EXOC4: variants seen among roughly 807,000 people sequenced by gnomAD.
EXOC4 encodes SEC8-like 1.
EXOC4 carries 71 observed loss-of-function variants against 107.2 expected under a neutral mutation model. The observed-to-expected ratio is 0.66, with a 90% confidence interval of 0.55 to 0.81. The LOEUF (loss-of-function observed/expected upper bound fraction) is 0.81. Among genes scored for constraint, EXOC4 ranks in the 30% least tolerant of loss-of-function variants. The pLI is 0.00. For synonymous variants in EXOC4, 456 were observed against 441.2 expected (o/e 1.03, Z -0.42); for missense variants, 1,108 against 1,189.6 (o/e 0.93, Z 1.01).
In EXOC4 at chr7:133,388,466, G is replaced by C. The variant is rs182974150; in HGVS notation, c.1182+13464G>C. Among the ~76,000 whole-genome samples, 433 of 152,056 alleles carry C rather than the reference G, an allele frequency of 2.8e-3. 7 individuals are homozygous for C. The highest frequency in any genetic ancestry group is 2.8e-4 in the Non-Finnish European group (19 of 67,964). ...GGAGTTCGAGACCATCCTGGCCAAT[G>C]TGGTGAAACCCTGTTTCTACTAAAA... On this transcript the variant is annotated intron_variant, in intron 7 of 17. Coordinates refer to ENST00000253861, the MANE Select transcript of EXOC4 (RefSeq NM_021807.4).
intron 7 of EXOC4, among the ~76,000 whole-genome samples, chr7:133,398,682 T>G (rs1797024527): frequency 6.6e-6 from 1 of 152,142 alleles, no homozygotes; most frequent in African/African-American, 2.4e-5. Flanking sequence ...ACATTTGAGT[T>G]TGTATTGTTC....
intron 11 of EXOC4, among the ~76,000 whole-genome samples, chr7:133,867,674 T>C (rs184348439): frequency 1.3e-5 from 2 of 152,308 alleles, no homozygotes; most frequent in African/African-American, 4.8e-5. Flanking sequence ...TCCTGCCACA[T>C]TGACTTAAAT....
At chr7:133,565,163 AG>A (rs1310838956) in intron 9 of EXOC4, among the ~76,000 whole-genome samples, 1 of 152,204 alleles carries the variant, frequency 6.6e-6, no homozygotes, top group Non-Finnish European at 1.5e-5. Context: ...TTAGGAGCCA[AG>A]GGAGGAGCTA....
At chr7:133,937,123 A>G (rs539636758) in intron 13 of EXOC4, among the ~76,000 whole-genome samples, 1 of 152,254 alleles carries the variant, frequency 6.6e-6, no homozygotes, top group African/African-American at 2.4e-5. Context: ...GCTGAGCTAT[A>G]TGATCTCAGG....
chr7:133,529,292 G>T (rs1800136287), intron 9 of EXOC4, among the ~76,000 whole-genome samples: 1 of 152,034 alleles, frequency 6.6e-6, no homozygotes, highest in African/African-American at 2.4e-5. Context: ...CATATCACTT[G>T]GTTATGTAAT....
At chr7:133,293,835 G>A (rs1022223176) in intron 3 of EXOC4, among the ~76,000 whole-genome samples, 7 of 152,164 alleles carry the variant, frequency 4.6e-5, no homozygotes, top group African/African-American at 1.2e-4. Flanking sequence ...GCCTGTATCC[G>A]TCACATTGAA....
intron 10 of EXOC4, among the ~76,000 whole-genome samples, chr7:133,719,931 A>G (rs1465105842): frequency 1.3e-5 from 2 of 152,124 alleles, no homozygotes; most frequent in Admixed American, 1.3e-4. Context: ...GGATGGATGG[A>G]TGAATTGAAG....
intron 10 of EXOC4, among the ~76,000 whole-genome samples, chr7:133,703,822 A>G (rs1391365670): frequency 6.6e-6 from 1 of 152,212 alleles, no homozygotes; most frequent in African/African-American, 2.4e-5. Flanking sequence ...TAACAGCATT[A>G]TAGACTTGTT....
At chr7:133,818,918 G>C (rs1797440471) in intron 11 of EXOC4, among the ~76,000 whole-genome samples, 1 of 151,948 alleles carries the variant, frequency 6.6e-6, no homozygotes, top group Admixed American at 6.6e-5. Flanking sequence ...AGGCCCCCTT[G>C]CCAGGTAGCT....
intron 9 of EXOC4, among the ~76,000 whole-genome samples, chr7:133,603,564 A>G (rs1188104000): frequency 1.3e-5 from 2 of 152,218 alleles, no homozygotes; most frequent in African/African-American, 2.4e-5. Flanking sequence ...CCTGTACAAC[A>G]TGTTACTGTA....
intron 5 of EXOC4, among the ~76,000 whole-genome samples, chr7:133,351,176 T>C (rs542129199): frequency 1.3e-5 from 2 of 152,134 alleles, no homozygotes; most frequent in East Asian, 3.9e-4. Context: ...AGTTTTATTA[T>C]ACTGCTTTTA....
intron 17 of EXOC4, among the ~76,000 whole-genome samples, chr7:134,028,261 T>A (rs922671273): frequency 6.6e-6 from 1 of 152,254 alleles, no homozygotes; most frequent in African/African-American, 2.4e-5. Context: ...TCTGTTCACA[T>A]ACTCAAGTCC....
intron 7 of EXOC4, among the ~76,000 whole-genome samples, chr7:133,392,935 G>A (rs1796885844): frequency 6.6e-6 from 1 of 152,074 alleles, no homozygotes; most frequent in African/African-American, 2.4e-5. Context: ...TGTACAATTC[G>A]GACAAAGTCT....
At chr7:133,471,823 G>A (rs1362663745) in intron 7 of EXOC4, among the ~76,000 whole-genome samples, 1 of 152,168 alleles carries the variant, frequency 6.6e-6, no homozygotes, top group Non-Finnish European at 1.5e-5. Context: ...TAAATTGGGG[G>A]TAGTAAGATG....
At chr7:133,924,580 A>G (rs1450250480) in intron 13 of EXOC4, among the ~76,000 whole-genome samples, 1 of 152,236 alleles carries the variant, frequency 6.6e-6, no homozygotes, top group Non-Finnish European at 1.5e-5. Flanking sequence ...TTTGAAGGCA[A>G]AACAAATTAA....
chr7:133,603,648 G>A (rs1003392827), intron 9 of EXOC4, among the ~76,000 whole-genome samples: 2 of 152,128 alleles, frequency 1.3e-5, no homozygotes, highest in African/African-American at 4.8e-5. Flanking sequence ...ACATAGAAAA[G>A]CTACAGTAAA....
chr7:133,951,424 A>G, intron 14 of EXOC4, among the ~76,000 whole-genome samples: 1 of 152,202 alleles, frequency 6.6e-6, no homozygotes, highest in East Asian at 1.9e-4. Context: ...TCACGTGATA[A>G]ATAGTAGTTT....
At chr7:133,814,419 TAA>T (rs768876514) in intron 10 of EXOC4, among the ~76,000 whole-genome samples, 1 of 152,202 alleles carries the variant, frequency 6.6e-6, no homozygotes, top group Non-Finnish European at 1.5e-5. Context: ...ATTTATTCCC[TAA>T]TTGATGAACT....
At chr7:133,881,031 C>G (rs1541710) in intron 11 of EXOC4, among the ~76,000 whole-genome samples, 34,338 of 152,046 alleles carry the variant, frequency 0.23, 5,109 homozygotes, top group East Asian at 0.45. Context: ...TAAGTATATT[C>G]ATCTTTTCTG....
Sources: allele counts gnomAD v4.1 joint callset (sites outside exome capture counted in the v4.1 genomes callset), GRCh38; gene constraint gnomAD v4.1.1; transcripts MANE v1.5; gene names NCBI Gene and HGNC (gene_info 2026-07-23, HGNC 2026-07-21).